MYOF: variants seen among roughly 807,000 people sequenced by gnomAD.
MYOF encodes the protein fer-1-like 3, myoferlin.
Under a neutral mutation model 284.2 loss-of-function variants are expected in MYOF, and 244 were observed. The observed-to-expected ratio is 0.86, with a 90% CI of 0.77 to 0.95. MYOF has a LOEUF of 0.95. Among genes scored for constraint, MYOF ranks in the 40% least tolerant of loss-of-function variants. The pLI is 0.00. For synonymous variants in MYOF, 904 were observed against 919.7 expected (o/e 0.98, Z 0.31); for missense variants, 2,496 against 2,560.6 (o/e 0.97, Z 0.54).
Position 93,366,273 on chromosome 10 carries a change from T to A in MYOF, c.2753+119A>T, listed in dbSNP as rs925742693. ...TTCTACAAATTTCAATGGACTTAGT[T>A]CTGCTCAGTGGGTGTTACATAACTA... is the stretch of plus-strand genomic sequence containing the variant. On this transcript the variant is annotated intron_variant, in intron 26 of 53. Coordinates refer to ENST00000359263, the MANE Select transcript of MYOF (RefSeq NM_013451.4). 4 of 1,077,388 alleles carry A rather than the reference T, an allele frequency of 3.7e-6. 1 individual carries two copies. The Admixed American group carries it at 9.2e-5, about 25-fold the overall frequency. 66.7% of individuals were successfully genotyped at this position (1,077,388 alleles called of 1,614,324 possible). A position where few individuals can be genotyped will look rare whatever the true frequency, so the allele number is the denominator to read the frequency against.
At chr10:93,331,168 T>A (rs1226313371) in intron 43 of MYOF, among the ~76,000 whole-genome samples, 1 of 152,172 alleles carries the variant, frequency 6.6e-6, no homozygotes, top group Admixed American at 6.5e-5. Context: ...TGATCTGCCA[T>A]GATGGATAGG....
At position 93,462,399 on chromosome 10, in the gene MYOF, T is replaced by C. The variant is rs1350038612; in HGVS notation, c.89-5462A>G. On this transcript the variant is annotated intron_variant, in intron 1 of 53. Coordinates refer to ENST00000359263, the MANE Select transcript of MYOF (RefSeq NM_013451.4). Reference sequence around the variant, plus strand: ...AAGCCCTTTACATGCATCATTTCATTGAATCCTCCTGGCAAGCCTATGACG... The same window carrying C: ...AAGCCCTTTACATGCATCATTTCATCGAATCCTCCTGGCAAGCCTATGACG... 2.0e-5 allele frequency among the ~76,000 whole-genome samples: 3 copies of C among 152,128 alleles called. No homozygotes were observed. In the East Asian group the frequency reaches 5.8e-4, roughly 29 times the overall value.
intron 1 of MYOF, among the ~76,000 whole-genome samples, chr10:93,469,309 G>A (rs918453222): frequency 6.6e-6 from 1 of 151,942 alleles, no homozygotes; most frequent in Non-Finnish European, 1.5e-5. Flanking sequence ...GCTGAGGCAG[G>A]AGAATTACTT....
intron 12 of MYOF, among the ~76,000 whole-genome samples, chr10:93,399,816 G>A (rs1162397914): frequency 6.6e-6 from 1 of 152,172 alleles, no homozygotes; most frequent in Non-Finnish European, 1.5e-5. Flanking sequence ...AGATTGCAGT[G>A]AGCCAAGATC....
chr10:93,469,405 G>A (rs372576737), intron 1 of MYOF, among the ~76,000 whole-genome samples: 24 of 146,560 alleles, frequency 1.6e-4, no homozygotes, highest in South Asian at 2.1e-4. Flanking sequence ...CATCTCTGAA[G>A]AAAAAAAAAA....
chr10:93,359,339 T>C (rs1332449883), intron 29 of MYOF, among the ~76,000 whole-genome samples: 1 of 130,044 alleles, frequency 7.7e-6, no homozygotes, highest in Non-Finnish European at 1.6e-5. Context: ...TTATTGAGTG[T>C]TACTGTTCTA....
At chr10:93,334,413 G>A (rs558414964) in intron 41 of MYOF, among the ~76,000 whole-genome samples, 1 of 152,188 alleles carries the variant, frequency 6.6e-6, no homozygotes, top group South Asian at 2.1e-4. Flanking sequence ...TGTCCTCTGG[G>A]TGCTCTCATC....
At chr10:93,406,884 C>A (rs1847621016) in intron 7 of MYOF, among the ~76,000 whole-genome samples, 1 of 151,700 alleles carries the variant, frequency 6.6e-6, no homozygotes, top group South Asian at 2.1e-4. Flanking sequence ...GGGATTAGAG[C>A]CGTAGGGAAT....
At chr10:93,468,705 A>G (rs1414733021) in intron 1 of MYOF, among the ~76,000 whole-genome samples, 2 of 152,174 alleles carry the variant, frequency 1.3e-5, no homozygotes, top group Non-Finnish European at 2.9e-5. Context: ...CCCTGCCAGC[A>G]GTTTAATCTA....
chr10:93,469,709 C>T (rs538654014), intron 1 of MYOF, among the ~76,000 whole-genome samples: 14 of 152,234 alleles, frequency 9.2e-5, no homozygotes, highest in African/African-American at 3.4e-4. Flanking sequence ...TGCCTGACCA[C>T]AGGATGGGCC....
chr10:93,426,761 C>T (rs1188499764), intron 4 of MYOF, among the ~76,000 whole-genome samples: 1 of 152,032 alleles, frequency 6.6e-6, no homozygotes, highest in Non-Finnish European at 1.5e-5. Context: ...TGGTGGCAGG[C>T]ACCTGTAATC....
At chr10:93,404,324 A>C in intron 7 of MYOF, 105 bp from the exon 8 acceptor site, 3 of 1,171,450 alleles carry the variant, frequency 2.6e-6, no homozygotes, top group Non-Finnish European at 3.7e-6. Context: ...CAAAACACAA[A>C]TTCAAAATTA....
intron 5 of MYOF, among the ~76,000 whole-genome samples, chr10:93,413,395 C>A (rs917443306): frequency 6.6e-6 from 1 of 152,166 alleles, no homozygotes; most frequent in Non-Finnish European, 1.5e-5. Flanking sequence ...ACGGGCTCCA[C>A]AAAGAATGCT....
At chr10:93,399,883 C>CAAACA (rs1554854187) in intron 12 of MYOF, among the ~76,000 whole-genome samples, 1 of 151,916 alleles carries the variant, frequency 6.6e-6, no homozygotes, top group Non-Finnish European at 1.5e-5. Context: ...AACAAACAAA[C>CAAACA]AAAATTAGCC....
intron 5 of MYOF, among the ~76,000 whole-genome samples, chr10:93,413,179 T>C (rs1847977605): frequency 6.6e-6 from 1 of 152,184 alleles, no homozygotes; most frequent in Non-Finnish European, 1.5e-5. Flanking sequence ...CAAGTACTTA[T>C]TACATTCTCA....
At chr10:93,430,678 GAC>G (rs1433334519) in intron 4 of MYOF, among the ~76,000 whole-genome samples, 1 of 151,526 alleles carries the variant, frequency 6.6e-6, no homozygotes, top group Non-Finnish European at 1.5e-5. Flanking sequence ...AAGAATATCT[GAC>G]ACACAGAATT....
chr10:93,390,461 G>A (rs923193355), intron 17 of MYOF, among the ~76,000 whole-genome samples: 3 of 152,208 alleles, frequency 2.0e-5, no homozygotes, highest in African/African-American at 7.2e-5. Flanking sequence ...AACAGCCTAG[G>A]ATGCCACATG....
At chr10:93,448,694 T>C (rs1437290854) in intron 3 of MYOF, among the ~76,000 whole-genome samples, 2 of 152,120 alleles carry the variant, frequency 1.3e-5, no homozygotes, top group East Asian at 3.9e-4. Context: ...GAGGACAGAC[T>C]GGATAAGAGG....
rs775593848 is a variant in MYOF at position 93,389,096 on chromosome 10, A to C, written c.1515T>G (p.Asn505Lys). 1 of 1,614,190 alleles carries C rather than the reference A, an allele frequency of 6.2e-7. No individual in the cohort carries two copies. The highest frequency in any genetic ancestry group is 2.2e-5 in the East Asian group (1 of 44,876). ...FVPTFGPCYLNLYGSPREYTG... is the reference protein window; with the variant it reads ...FVPTFGPCYLKLYGSPREYTG... Reference sequence around the variant, plus strand: ...TGTACTCTCTGGGGCTTCCATAAAGATTCAGGTAACAAGGTCCAAACGTTG... The same window carrying C: ...TGTACTCTCTGGGGCTTCCATAAAGCTTCAGGTAACAAGGTCCAAACGTTG... The change falls in exon 18 of 54, where the codon AAT becomes AAG. Residue 505 changes from asparagine (N) to lysine (K), a missense_variant. Transcript: ENST00000359263.
Sources: gnomAD v4.1 joint callset for allele counts (sites outside exome capture counted in the v4.1 genomes callset) on GRCh38, gnomAD v4.1.1 for gene constraint, MANE v1.5 for transcripts, NCBI Gene and HGNC (gene_info 2026-07-23, HGNC 2026-07-21) for gene names.